PRR5: variants seen among roughly 807,000 people sequenced by gnomAD.
PRR5 encodes the protein proline rich 5, also known as proline-rich protein 5.
In PRR5, 25 loss-of-function variants were observed where a neutral mutation model predicts 30.6. The ratio of observed to expected loss-of-function variants is 0.82; its 90% CI spans 0.60 to 1.14. The LOEUF (loss-of-function observed/expected upper bound fraction) is 1.14. Ranked by LOEUF, PRR5 falls within the 50% of genes most tolerant of loss-of-function variation. The pLI, the probability that PRR5 is intolerant of heterozygous loss-of-function variation, is 0.00. For missense variants in PRR5, 600 were observed against 547.1 expected (o/e 1.10, Z -0.96); for synonymous variants, 286 against 247.1 (o/e 1.16, Z -1.48).
At chr22:44,704,362 G>T (rs1250904220) in intron 1 of PRR5, among the ~76,000 whole-genome samples, 1 of 152,122 alleles carries the variant, frequency 6.6e-6, no homozygotes, top group East Asian at 1.9e-4. Flanking sequence ...CTGGCTGGTT[G>T]CTGGCTTAGA....
chr22:44,724,852 A>G (rs564914263), intron 2 of PRR5, among the ~76,000 whole-genome samples: 14 of 152,308 alleles, frequency 9.2e-5, no homozygotes, highest in Middle Eastern at 6.8e-3. Context: ...GCAGGCGGAG[A>G]GAGGAGGAGC....
intron 1 of PRR5, among the ~76,000 whole-genome samples, chr22:44,680,306 T>C (rs1924159453): frequency 3.9e-5 from 6 of 152,154 alleles, no homozygotes. Context: ...CCCCGTGGCT[T>C]CCTGTGAGGA....
intron 1 of PRR5, among the ~76,000 whole-genome samples, chr22:44,680,951 A>G (rs982095105): frequency 5.9e-5 from 9 of 152,214 alleles, no homozygotes; most frequent in African/African-American, 9.7e-5. Context: ...TGGTCTCCAC[A>G]TTCATGCATC....
chr22:44,730,669 G>T lies in PRR5; in HGVS notation c.323-1061G>T, dbSNP rs751035871. ...ACGTCTGGCAAGCCCAGCTCCTATA[G>T]CCAGCTTGGATGCTCTTCCTCCAGG... On this transcript the variant is annotated intron_variant, in intron 4 of 7. Transcript: ENST00000336985. The T allele has an allele frequency of 8.4e-5, 87 of 1,037,320 alleles. 1 individual carries two copies. The highest frequency in any genetic ancestry group is 8.5e-5 in the Non-Finnish European group (73 of 856,194). 64.3% of individuals were successfully genotyped at this position (1,037,320 alleles called of 1,614,324 possible).
In PRR5 at chr22:44,691,634, C is replaced by T. The variant is rs1390056573; in HGVS notation, c.-10-10858C>T. Among the ~76,000 whole-genome samples the T allele has an allele frequency of 1.3e-5, 2 of 152,108 alleles. No homozygotes were observed. The highest frequency in any genetic ancestry group is 6.5e-5 in the Admixed American group (1 of 15,268). On this transcript the variant is annotated intron_variant, in intron 1 of 8. Coordinates refer to the PRR5 transcript ENST00000006251. This position sits in a 1 kb window ranked among gnomAD's most constrained non-coding sequence, Gnocchi z 4.4. ...ACTAAAAACACAAAAACTAGCCAGG[C>T]GTGGTGGTGCACGCCTGTAATCGCA...
intron 3 of PRR5, 46 bp from the exon 4 acceptor site, chr22:44,726,531 C>T (rs372651007): frequency 1.4e-5 from 22 of 1,612,894 alleles, no homozygotes; most frequent in African/African-American, 8.0e-5. Context: ...AGGACACCCC[C>T]GGGCATCCAC....
chr22:44,689,859 G>A (rs1436632985), intron 1 of PRR5, among the ~76,000 whole-genome samples: 1 of 152,206 alleles, frequency 6.6e-6, no homozygotes, highest in Non-Finnish European at 1.5e-5. Context: ...ATGTTGGTCA[G>A]GCTGGTCTCG....
intron 2 of PRR5, among the ~76,000 whole-genome samples, chr22:44,721,115 G>A (rs1325185247): frequency 2.0e-5 from 3 of 152,312 alleles, no homozygotes; most frequent in South Asian, 2.1e-4. Context: ...CTCTGTTACC[G>A]GTGGAGGGTG....
At position 44,725,286 on chromosome 22, in the gene PRR5, C is replaced by G; in HGVS notation, c.258C>G (p.Tyr86Ter). ...KTELGSFFTEYLQNQLLTKGM... is the reference protein window; with the variant it reads ...KTELGSFFTE ...AGCTGGGGTCCTTCTTCACGGAGTA[C>G]CTGCAGGTAGGTGGGTCTTGCTCCA... The change falls in exon 3 of 8, where the codon TAC becomes TAG. Residue 86 changes from tyrosine (Y) to a stop codon, truncating the protein, a stop_gained. Transcript: ENST00000336985. LOFTEE classifies it high-confidence loss of function. 6.2e-7 allele frequency: 1 copy of G among 1,613,568 alleles called. No individual in the cohort carries two copies. Among genetic ancestry groups the G allele is most frequent in the Non-Finnish European group, 8.5e-7 (1 of 1,179,966 alleles).
intron 4 of PRR5, chr22:44,729,727 C>A: frequency 2.0e-6 from 2 of 985,496 alleles, no homozygotes; most frequent in South Asian, 4.7e-5. Context: ...CCTTCCTGGC[C>A]TCTCGTCACC....
At chr22:44,721,259 C>T (rs566706957) in intron 2 of PRR5, among the ~76,000 whole-genome samples, 3 of 152,298 alleles carry the variant, frequency 2.0e-5, no homozygotes, top group South Asian at 4.1e-4. Flanking sequence ...GCAAGCAGCT[C>T]AAGGGCCAGG....
At chr22:44,731,276 G>A (rs150998424) in intron 4 of PRR5, 3,431 of 268,122 alleles carry the variant, frequency 0.013, 44 homozygotes, top group Non-Finnish European at 0.02. Context: ...TCTCACCTGT[G>A]CCGAGTGTAC....
intron 2 of PRR5, among the ~76,000 whole-genome samples, chr22:44,716,961 C>T (rs1929144582): frequency 6.6e-6 from 1 of 151,842 alleles, no homozygotes; most frequent in Non-Finnish European, 1.5e-5. Context: ...ACTCAGGAGG[C>T]TGAGGCATGA....
intron 2 of PRR5, among the ~76,000 whole-genome samples, chr22:44,719,917 C>T (rs1453221327): frequency 6.6e-6 from 1 of 152,216 alleles, no homozygotes; most frequent in African/African-American, 2.4e-5. Flanking sequence ...TCTGGCCCTG[C>T]AGACCCTTCC....
chr22:44,726,080 G>A (rs1920940616), intron 3 of PRR5, among the ~76,000 whole-genome samples: 4 of 152,226 alleles, frequency 2.6e-5, no homozygotes. Context: ...TCATTTCTTT[G>A]TGTGGAGATG....
At position 44,735,206 on chromosome 22, in the gene PRR5, G is replaced by T. The variant is rs181440282; in HGVS notation, c.691+44G>T. On this transcript the variant is annotated intron_variant, in intron 7 of 7. Transcript: ENST00000336985. ...CTTGGGCTGGGGCAGGGGTGACCACGGGCCCCATCCATTGTGAACAAATGG... is the reference window on the plus strand; with the variant it reads ...CTTGGGCTGGGGCAGGGGTGACCACTGGCCCCATCCATTGTGAACAAATGG... 5.1e-3 allele frequency: 8,024 copies of T among 1,578,112 alleles called. 39 individuals are homozygous for T. The highest frequency in any genetic ancestry group is 6.3e-3 in the Non-Finnish European group (7,252 of 1,158,320).
At chr22:44,680,285 A>G (rs1033751233) in intron 1 of PRR5, among the ~76,000 whole-genome samples, 1 of 152,130 alleles carries the variant, frequency 6.6e-6, no homozygotes, top group African/African-American at 2.4e-5. Flanking sequence ...AAATGGGCAG[A>G]AGAGCACCTG....
rs1922153926 is a variant in PRR5, at chr22:44,732,271, C to T, written c.435C>T (p.Arg145=). The change falls in exon 6 of 8, where the codon CGC becomes CGT. Residue 145 remains arginine, a synonymous_variant. Coordinates refer to ENST00000336985, the MANE Select transcript of PRR5 (RefSeq NM_181333.4). Reference sequence around the variant, plus strand: ...CACAGGGCAAGGAGCCATCGGTGCGCCAGCTGGCCCTGCTGCACTTCCGGA... The same window carrying T: ...CACAGGGCAAGGAGCCATCGGTGCGTCAGCTGGCCCTGCTGCACTTCCGGA... ...YPVQGKEPSV[R]QLALLHFRNA... The T allele has an allele frequency of 1.9e-6, 3 of 1,611,882 alleles. No homozygotes were observed. Among genetic ancestry groups the T allele is most frequent in the East Asian group, 2.2e-5 (1 of 44,866 alleles).
At chr22:44,700,727 C>T (rs1015416125), upstream of PRR5, among the ~76,000 whole-genome samples, 4 of 152,198 alleles carry the variant, frequency 2.6e-5, no homozygotes, top group Non-Finnish European at 5.9e-5. Flanking sequence ...TTCCATCCCG[C>T]TTTACTGATG....
Sources: gnomAD v4.1 joint callset for allele counts (sites outside exome capture counted in the v4.1 genomes callset) on GRCh38, gnomAD v4.1.1 for gene constraint, Gnocchi (gnomAD v3.1) non-coding constraint, MANE v1.5 for transcripts, NCBI Gene and HGNC (gene_info 2026-07-23, HGNC 2026-07-21) for gene names.